Variants in XAF1 observed in about 807,000 individuals in gnomAD.
The protein encoded by XAF1 is XIAP-associated factor 1.
A neutral mutation model predicts 32.3 loss-of-function variants in XAF1; 32 were observed. The observed-to-expected ratio is 0.99, with a 90% CI of 0.75 to 1.33. XAF1 has a LOEUF of 1.33. Among genes scored for constraint, XAF1 ranks in the 40% most tolerant of loss-of-function variants. The pLI is 0.00. For missense variants in XAF1, 379 were observed against 366.0 expected (o/e 1.04, Z -0.29); for synonymous variants, 120 against 125.9 (o/e 0.95, Z 0.31).
At chr17:6,772,055 T>G (rs1040425452) in intron 6 of XAF1, 1 of 152,212 alleles carries the variant, frequency 6.6e-6, no homozygotes, top group Non-Finnish European at 1.5e-5. Flanking sequence ...GCCAAAACCT[T>G]TTTTTCTAAC....
In XAF1 at chr17:6,773,019, C is replaced by A. The variant is rs905018153; in HGVS notation, c.850-94C>A. The A allele has an allele frequency of 5.3e-6, 6 of 1,124,986 alleles. No individual in the cohort carries two copies. The Admixed American group carries it at 1.5e-4, about 27-fold the overall frequency. 69.7% of individuals were successfully genotyped at this position (1,124,986 alleles called of 1,614,324 possible). ...CTCCAGTCTTTGGGCAGGGCTCATG[C>A]TCTGTAACAAGGGACAGCAATATCC... On this transcript the variant is annotated intron_variant, in intron 6 of 6. Transcript: ENST00000361842.
At chr17:6,772,937 C>T (rs764696631) in intron 6 of XAF1, 176 bp from the exon 7 acceptor site, 10 of 537,378 alleles carry the variant, frequency 1.9e-5, no homozygotes, top group East Asian at 7.0e-5. Context: ...TAAACTTTGT[C>T]GCAAGCCTCC....
rs905352927 is a variant in XAF1, at chr17:6,756,374, C to T, written c.32+264C>T. 5 of 1,076,658 alleles carry T rather than the reference C, an allele frequency of 4.6e-6. No homozygotes were observed. In the African/African-American group the frequency reaches 4.8e-5, roughly 10 times the overall value. The allele number at this position is 1,076,658 out of a possible 1,614,324, so 66.7% of individuals were successfully genotyped here. A position where few individuals can be genotyped will look rare whatever the true frequency, so the allele number is the denominator to read the frequency against. On this transcript the variant is annotated intron_variant, in intron 1 of 6. Coordinates refer to ENST00000361842, the MANE Select transcript of XAF1 (RefSeq NM_017523.5). ...CTGGGACAGTTCTGAAGCCAAATAG[C>T]CCGGCCAGTGGTCCCAACTGGGCTA...
In XAF1 at chr17:6,756,088, G is replaced by A; in HGVS notation, c.10G>A (p.Asp4Asn). The change falls in exon 1 of 7, where the codon GAC becomes AAC. Residue 4 changes from aspartate (D) to asparagine (N), a missense_variant. Coordinates refer to ENST00000361842, the MANE Select transcript of XAF1 (RefSeq NM_017523.5). The stretch of plus-strand genomic sequence containing the variant: ...CTGCAGAGAGCAGAACATGGAAGGA[G>A]ACTTCTCGGTGTGCAGGAACTGGTA... MEG[D>N]FSVCRNCKRH... The A allele has an allele frequency of 6.2e-7, 1 of 1,614,068 alleles. No homozygotes were observed. Among genetic ancestry groups the A allele is most frequent in the Non-Finnish European group, 8.5e-7 (1 of 1,180,004 alleles).
intron 1 of XAF1, chr17:6,757,557 C>T (rs1034657163): frequency 2.8e-5 from 3 of 109,036 alleles, no homozygotes; most frequent in African/African-American, 1.1e-4. Flanking sequence ...CAAACAGGGG[C>T]ACCAGAAAAC....
chr17:6,756,992 CT>C (rs35781742), intron 1 of XAF1, among the ~76,000 whole-genome samples: 11,714 of 134,594 alleles, frequency 0.087, 488 homozygotes, highest in African/African-American at 0.14. Context: ...CTTTCTTCTT[CT>C]TTTTTTTTTT....
In XAF1 at chr17:6,762,088, T is replaced by C. The variant is rs8064238; in HGVS notation, c.422-67T>C. 965 of 1,608,814 alleles carry C rather than the reference T, an allele frequency of 6.0e-4. 8 individuals are homozygous for C. In the African/African-American group the frequency reaches 0.012, roughly 20 times the overall value. Reference sequence around the variant, plus strand: ...CATGAGCACAGGCCATGTATGCAGTTGTGGGAGAGCTGGGCTAGCCGTTGA... The same window carrying C: ...CATGAGCACAGGCCATGTATGCAGTCGTGGGAGAGCTGGGCTAGCCGTTGA... On this transcript the variant is annotated intron_variant, in intron 4 of 6. Transcript: ENST00000361842.
Position 6,770,638 on chromosome 17 carries a change from T to G in XAF1, c.508-5T>G, listed in dbSNP as rs775556791. 3 of 1,565,236 alleles carry G rather than the reference T, an allele frequency of 1.9e-6. No individual in the cohort carries two copies. Among genetic ancestry groups the G allele is most frequent in the Non-Finnish European group, 2.6e-6 (3 of 1,160,886 alleles). Reference sequence around the variant, plus strand: ...TAAAATTTGATATATTATTCACAATTGCAGGGTAAATGTTGTCCAGACTCA... The same window carrying G: ...TAAAATTTGATATATTATTCACAATGGCAGGGTAAATGTTGTCCAGACTCA... On this transcript the variant is annotated splice_polypyrimidine_tract_variant and splice_region_variant and intron_variant, in intron 5 of 6. Coordinates refer to ENST00000361842, the MANE Select transcript of XAF1 (RefSeq NM_017523.5).
Position 6,774,149 on chromosome 17 carries a change from T to C in XAF1, c.*980T>C, listed in dbSNP as rs1002392044. ...CATCGCATTACCCAACTTCAAACTATACTACAGGGCTACAGTAACCAAAAC... is the reference window on the plus strand; with the variant it reads ...CATCGCATTACCCAACTTCAAACTACACTACAGGGCTACAGTAACCAAAAC... On this transcript the variant is annotated 3_prime_UTR_variant, in exon 7 of 7. Transcript: ENST00000361842. 2 of 152,254 alleles carry C rather than the reference T, an allele frequency of 1.3e-5. No individual in the cohort carries two copies. Among genetic ancestry groups the C allele is most frequent in the African/African-American group, 2.4e-5 (1 of 41,546 alleles). The allele number at this position is 152,254 out of a possible 1,614,324, so 9.4% of individuals were successfully genotyped here.
At chr17:6,770,061 G>T (rs1209347614) in intron 5 of XAF1, among the ~76,000 whole-genome samples, 1 of 152,172 alleles carries the variant, frequency 6.6e-6, no homozygotes, top group Non-Finnish European at 1.5e-5. Context: ...TAGTTACAAA[G>T]TTGACCCTAC....
At chr17:6,757,868 C>T (rs1359743592) in intron 1 of XAF1, among the ~76,000 whole-genome samples, 1 of 152,104 alleles carries the variant, frequency 6.6e-6, no homozygotes, top group Non-Finnish European at 1.5e-5. Context: ...CCTGCCCCAG[C>T]AATGTAAGAG....
intron 6 of XAF1, 62 bp from the exon 7 acceptor site, chr17:6,773,051 A>G: frequency 1.4e-6 from 2 of 1,404,138 alleles, no homozygotes; most frequent in Non-Finnish European, 1.0e-6. Context: ...ATCCAGAGAT[A>G]TTCTAGGAGC....
intron 5 of XAF1, among the ~76,000 whole-genome samples, chr17:6,765,720 C>T (rs1487421850): frequency 6.6e-6 from 1 of 152,194 alleles, no homozygotes; most frequent in African/African-American, 2.4e-5. Flanking sequence ...CTGGTATGAA[C>T]CATCATCTTC....
At chr17:6,760,108 G>T (rs1290059646) in intron 3 of XAF1, among the ~76,000 whole-genome samples, 1 of 152,216 alleles carries the variant, frequency 6.6e-6, no homozygotes, top group African/African-American at 2.4e-5. Context: ...CCAGCACTTT[G>T]GGAGGCCAAG....
In XAF1 at chr17:6,757,984, G is replaced by C. The variant is rs2151525426; in HGVS notation, c.33-105G>C. The C allele has an allele frequency of 1.5e-5, 22 of 1,502,564 alleles. No homozygotes were observed. In the South Asian group the frequency reaches 2.3e-4, roughly 16 times the overall value. The allele number at this position is 1,502,564 out of a possible 1,614,324, so 93.1% of individuals were successfully genotyped here. On this transcript the variant is annotated intron_variant, in intron 1 of 6. Coordinates refer to ENST00000361842, the MANE Select transcript of XAF1 (RefSeq NM_017523.5). The stretch of plus-strand genomic sequence containing the variant: ...TGGTGTCATCATCATCACATGTTCA[G>C]TGCTTAAGGCCTCTGGAGATCTAGC...
chr17:6,767,053 G>T (rs867526718), intron 5 of XAF1, among the ~76,000 whole-genome samples: 1 of 152,022 alleles, frequency 6.6e-6, no homozygotes, highest in African/African-American at 2.4e-5. Flanking sequence ...TGAAAGCTTG[G>T]GTGGCTATAG....
At chr17:6,759,935 C>T in intron 3 of XAF1, 1 of 758,908 alleles carries the variant, frequency 1.3e-6, no homozygotes, top group South Asian at 1.9e-5. Flanking sequence ...TCCATGAGTC[C>T]ATCAGAGCTC....
chr17:6,771,074 G>A (rs756090099), intron 6 of XAF1, 90 bp downstream of exon 6: 20 of 1,457,074 alleles, frequency 1.4e-5, no homozygotes, highest in Non-Finnish European at 1.7e-5. Context: ...GTTCACAAAT[G>A]TTGTGGCTGA....
At chr17:6,759,264 A>T in intron 2 of XAF1, 1 of 1,138,240 alleles carries the variant, frequency 8.8e-7, no homozygotes, top group Non-Finnish European at 1.1e-6. Flanking sequence ...AGGCTTATGG[A>T]TCTGGCATAG....
Sources: gnomAD v4.1 joint callset for allele counts (sites outside exome capture counted in the v4.1 genomes callset) on GRCh38, gnomAD v4.1.1 for gene constraint, MANE v1.5 for transcripts, NCBI Gene and HGNC (gene_info 2026-07-23, HGNC 2026-07-21) for gene names.